The following CACNG5 variants were observed in gnomAD, a reference collection of about 807,000 sequenced individuals.
The protein encoded by CACNG5 is voltage-dependent calcium channel gamma-5 subunit.
In CACNG5, 18 loss-of-function variants were observed where a neutral mutation model predicts 24.8. That is an observed-to-expected ratio of 0.73 (90% CI 0.50 to 1.08). CACNG5 has a LOEUF of 1.08. Ranked by LOEUF, CACNG5 falls within the 50% of genes least tolerant of loss-of-function variation. The probability of loss-of-function intolerance (pLI) is 0.00; values close to 1 mark genes in which losing one functional copy is unlikely to be tolerated. For missense variants in CACNG5, 349 were observed against 367.9 expected (o/e 0.95, Z 0.42); for synonymous variants, 157 against 149.1 (o/e 1.05, Z -0.39).
chr17:66,844,333 G>A (rs999680013), intron 1 of CACNG5, among the ~76,000 whole-genome samples: 6 of 152,206 alleles, frequency 3.9e-5, no homozygotes, highest in Non-Finnish European at 5.9e-5. Flanking sequence ...CAAAGGGAAT[G>A]TGGGATTTGG....
rs774713290 is a variant in CACNG5 at position 66,880,543 on chromosome 17, G to C, written c.284-14G>C. 4 of 1,614,082 alleles carry C rather than the reference G, an allele frequency of 2.5e-6. No homozygotes were observed. The South Asian group carries it at 4.4e-5, about 18-fold the overall frequency. On this transcript the variant is annotated splice_polypyrimidine_tract_variant and intron_variant, in intron 3 of 5. Coordinates refer to ENST00000533854, the MANE Select transcript of CACNG5 (RefSeq NM_145811.3). ...CTGGAGGCTGACAGGCCGCCCTTTT[G>C]TCCCGTTAATTAGAGATGATCCGCT...
Position 66,893,196 on chromosome 17 carries a change from G to A in CACNG5, c.*7956G>A, listed in dbSNP as rs1012232892. Among the ~76,000 whole-genome samples, 1 of 152,146 alleles carries A rather than the reference G, an allele frequency of 6.6e-6. No homozygotes were observed. Among genetic ancestry groups the A allele is most frequent in the Non-Finnish European group, 1.5e-5 (1 of 68,032 alleles). On this transcript the variant is annotated 3_prime_UTR_variant, in exon 6 of 6. Transcript: ENST00000533854. ...GTTTCAAGTGCACCCCCAAGAGCAT[G>A]GCACCTACAGTCCTAAATGTTCTGC...
chr17:66,853,184 C>A (rs1360070872), intron 1 of CACNG5, among the ~76,000 whole-genome samples: 1 of 152,184 alleles, frequency 6.6e-6, no homozygotes, highest in Non-Finnish European at 1.5e-5. Flanking sequence ...TAGTTGTATA[C>A]ATGAGTAGTT....
At chr17:66,878,397 G>GT (rs1435121996) in intron 2 of CACNG5, among the ~76,000 whole-genome samples, 1 of 152,236 alleles carries the variant, frequency 6.6e-6, no homozygotes, top group African/African-American at 2.4e-5. Flanking sequence ...AGCTTTGGGG[G>GT]ATGGAGTGGG....
intron 1 of CACNG5, among the ~76,000 whole-genome samples, chr17:66,868,523 C>G (rs894802316): frequency 4.6e-5 from 7 of 152,164 alleles, no homozygotes; most frequent in Non-Finnish European, 1.0e-4. Context: ...GTGGGGTCAG[C>G]AGGGAAAACA....
intron 1 of CACNG5, among the ~76,000 whole-genome samples, chr17:66,857,134 A>G (rs1048328215): frequency 1.6e-5 from 2 of 128,308 alleles, no homozygotes; most frequent in African/African-American, 6.2e-5. Context: ...CAGGGACACT[A>G]CAGCCTCCTC....
intron 1 of CACNG5, among the ~76,000 whole-genome samples, chr17:66,850,992 A>G (rs1976704477): frequency 6.6e-6 from 1 of 152,098 alleles, no homozygotes; most frequent in African/African-American, 2.4e-5. Context: ...TGGAATTTTA[A>G]TGCCTACCCA....
In CACNG5 at chr17:66,887,963, C is replaced by T. The variant is rs191851978; in HGVS notation, c.*2723C>T. ...CCTCAATCAGGAGACTTTTACCAAACGTTAACATGTACAAACTCAACTCAG... is the reference window on the plus strand; with the variant it reads ...CCTCAATCAGGAGACTTTTACCAAATGTTAACATGTACAAACTCAACTCAG... On this transcript the variant is annotated 3_prime_UTR_variant, in exon 6 of 6. Transcript: ENST00000533854. Among the ~76,000 whole-genome samples the T allele has an allele frequency of 5.3e-5, 8 of 152,178 alleles. No individual in the cohort carries two copies. The East Asian group carries it at 7.7e-4, about 15-fold the overall frequency.
chr17:66,881,944 C>A (rs1018218392), intron 4 of CACNG5, among the ~76,000 whole-genome samples: 4 of 151,982 alleles, frequency 2.6e-5, no homozygotes, highest in Admixed American at 1.3e-4. Flanking sequence ...CATCTGAGGT[C>A]GTCTTATGGA....
At chr17:66,839,744 G>A (rs953347749) in intron 1 of CACNG5, among the ~76,000 whole-genome samples, 2 of 152,144 alleles carry the variant, frequency 1.3e-5, no homozygotes. Flanking sequence ...GCATCACCGA[G>A]GGCTGTGAGC....
At position 66,887,845 on chromosome 17, in the gene CACNG5, G is replaced by C. The variant is rs1243581595; in HGVS notation, c.*2605G>C. On this transcript the variant is annotated 3_prime_UTR_variant, in exon 6 of 6. Coordinates refer to ENST00000533854, the MANE Select transcript of CACNG5 (RefSeq NM_145811.3). ...CAGGTTCTCGGTCATTACCTGTTTGGGGGTGGGTGCATGTGTCAATAATCA... is the reference window on the plus strand; with the variant it reads ...CAGGTTCTCGGTCATTACCTGTTTGCGGGTGGGTGCATGTGTCAATAATCA... Among the ~76,000 whole-genome samples the C allele has an allele frequency of 2.0e-5, 3 of 152,066 alleles. No homozygotes were observed. The highest frequency in any genetic ancestry group is 4.4e-5 in the Non-Finnish European group (3 of 68,014).
Position 66,884,994 on chromosome 17 carries a change from G to A in CACNG5, c.582G>A (p.Val194=), listed in dbSNP as rs1456972288. ...ISFLLTESAG[V]MSVYLFMKRY... is the part of the protein sequence containing the mutation. Reference sequence around the variant, plus strand: ...TCTTCTCCCTGTAGAGTGCCGGGGTGATGTCTGTGTACCTGTTTATGAAGC... The same window carrying A: ...TCTTCTCCCTGTAGAGTGCCGGGGTAATGTCTGTGTACCTGTTTATGAAGC... Residue 194 remains valine, a synonymous_variant, in exon 6 of 6, where the codon GTG becomes GTA. Transcript: ENST00000533854. 6.2e-7 allele frequency: 1 copy of A among 1,614,132 alleles called. No homozygotes were observed. The highest frequency in any genetic ancestry group is 8.5e-7 in the Non-Finnish European group (1 of 1,179,994).
At chr17:66,844,283 C>T (rs1043935413) in intron 1 of CACNG5, among the ~76,000 whole-genome samples, 3 of 152,158 alleles carry the variant, frequency 2.0e-5, no homozygotes, top group Non-Finnish European at 4.4e-5. Context: ...TGCTATTAAT[C>T]ACTAGTCCTG....
chr17:66,852,174 G>A (rs1039984801), intron 1 of CACNG5, among the ~76,000 whole-genome samples: 4 of 152,148 alleles, frequency 2.6e-5, no homozygotes, highest in African/African-American at 4.8e-5. Context: ...TCTGGTCTTC[G>A]GACTCTGAGA....
chr17:66,843,154 T>C (rs760400650), intron 1 of CACNG5, among the ~76,000 whole-genome samples: 1 of 152,176 alleles, frequency 6.6e-6, no homozygotes, highest in Non-Finnish European at 1.5e-5. Flanking sequence ...ATTTTACAGA[T>C]GAGGAAACTG....
At chr17:66,875,724 A>G (rs911275928) in intron 1 of CACNG5, among the ~76,000 whole-genome samples, 1 of 152,228 alleles carries the variant, frequency 6.6e-6, no homozygotes, top group East Asian at 1.9e-4. Context: ...GCACCGAAGC[A>G]CTGCTGCACC....
At chr17:66,866,940 G>A (rs1245290212) in intron 1 of CACNG5, among the ~76,000 whole-genome samples, 1 of 152,174 alleles carries the variant, frequency 6.6e-6, no homozygotes, top group Admixed American at 6.5e-5. Flanking sequence ...ATGTGTGCAT[G>A]TATCTTTATA....
At chr17:66,873,517 C>T (rs574547195) in intron 1 of CACNG5, among the ~76,000 whole-genome samples, 9 of 152,150 alleles carry the variant, frequency 5.9e-5, no homozygotes, top group Non-Finnish European at 1.2e-4. Context: ...TTTTCATCTC[C>T]CTGCCAAGCT....
At chr17:66,857,011 A>G (rs4297747) in intron 1 of CACNG5, among the ~76,000 whole-genome samples, 34,468 of 151,530 alleles carry the variant, frequency 0.23, 4,362 homozygotes, top group South Asian at 0.41. Flanking sequence ...TCAAAAACAA[A>G]TAAACTTATC....
Sources: gnomAD v4.1 joint callset for allele counts (sites outside exome capture counted in the v4.1 genomes callset) on GRCh38, gnomAD v4.1.1 for gene constraint, MANE v1.5 for transcripts, NCBI Gene and HGNC (gene_info 2026-07-23, HGNC 2026-07-21) for gene names.